Variants in ZNF362 observed in about 807,000 individuals in gnomAD.
ZNF362 encodes rotund homolog.
Under a neutral mutation model 42.9 loss-of-function variants are expected in ZNF362, and 11 were observed. The ratio of observed to expected loss-of-function variants is 0.26; its 90% CI spans 0.16 to 0.42. The LOEUF (loss-of-function observed/expected upper bound fraction) is 0.42, where lower values mean the gene tolerates loss of function less well. ZNF362 is among the 20% of genes least tolerant of loss of function. The probability of loss-of-function intolerance (pLI) is 1.00; values close to 1 mark genes in which losing one functional copy is unlikely to be tolerated. For missense variants in ZNF362, 362 were observed against 576.2 expected, an observed-to-expected ratio of 0.63 and a Z score of 3.81; for synonymous variants, 255 against 257.3, an observed-to-expected ratio of 0.99 and a Z score of 0.09.
chr1:33,147,736 G>A, the ZNF362 span: 20 of 1,604,608 alleles, frequency 1.2e-5, no homozygotes, highest in Middle Eastern at 1.7e-4. The surrounding 1 kb of genome is among the most constrained non-coding windows in gnomAD (Gnocchi z 8.1). Context: ...CACTGTGGGG[G>A]TTGGAGGAGG....
the ZNF362 span, among the ~76,000 whole-genome samples, chr1:33,239,607 C>T: frequency 2.6e-5 from 4 of 152,050 alleles, no homozygotes; most frequent in South Asian, 2.1e-4. Flanking sequence ...TTCACGGGGG[C>T]GCAGGACAGA....
the ZNF362 span, among the ~76,000 whole-genome samples, chr1:33,174,970 C>T: frequency 0.06 from 6,545 of 109,926 alleles, 254 homozygotes; most frequent in African/African-American, 0.17. Context: ...TATATATATA[C>T]ACACATATAC....
the ZNF362 span, chr1:33,145,846 C>A: frequency 2.1e-6 from 1 of 470,990 alleles, no homozygotes; most frequent in Admixed American, 2.3e-5. Flanking sequence ...GCTCCACCCA[C>A]CCTAACTTCC....
the ZNF362 span, among the ~76,000 whole-genome samples, chr1:33,149,311 C>T: frequency 6.6e-6 from 1 of 152,140 alleles, no homozygotes. Context: ...CGCCACCACG[C>T]CTGGCTAATT....
the ZNF362 span, among the ~76,000 whole-genome samples, chr1:33,251,262 A>T: frequency 6.6e-6 from 1 of 152,182 alleles, no homozygotes; most frequent in Non-Finnish European, 1.5e-5. Flanking sequence ...GGGCACTATG[A>T]GGGCTGCAAA....
chr1:33,185,674 T>C, the ZNF362 span, among the ~76,000 whole-genome samples: 2 of 152,186 alleles, frequency 1.3e-5, no homozygotes, highest in African/African-American at 4.8e-5. Context: ...TCTCCACATC[T>C]GATGTGGTTG....
rs1645987635 is a variant in ZNF362, at chr1:33,280,794, C to T, written c.683+337C>T. On this transcript the variant is annotated intron_variant, in intron 5 of 8. Coordinates refer to ENST00000539719, the MANE Select transcript of ZNF362 (RefSeq NM_152493.3). The surrounding 1 kb of genome is among the most constrained non-coding windows in gnomAD (Gnocchi z 5.6). ...CTTAGAATCACCTGAAGAGGCCGTGCACAATGGCTCATCCCTGTAATCCCA... is the reference window on the plus strand; with the variant it reads ...CTTAGAATCACCTGAAGAGGCCGTGTACAATGGCTCATCCCTGTAATCCCA... Among the ~76,000 whole-genome samples the T allele has an allele frequency of 6.6e-6, 1 of 152,158 alleles. No individual in the cohort carries two copies. The highest frequency in any genetic ancestry group is 2.1e-4 in the South Asian group (1 of 4,822).
the ZNF362 span, among the ~76,000 whole-genome samples, chr1:33,222,192 A>T: frequency 2.0e-5 from 3 of 152,194 alleles, no homozygotes; most frequent in African/African-American, 7.2e-5. Flanking sequence ...TGGAAATGGC[A>T]TCAGAATGGA....
intron 1 of ZNF362, among the ~76,000 whole-genome samples, chr1:33,259,948 A>C (rs534352322): frequency 6.6e-6 from 1 of 152,178 alleles, no homozygotes; most frequent in Non-Finnish European, 1.5e-5. Flanking sequence ...AGTTTCCTCA[A>C]CTCTAAAATG....
At chr1:33,189,336 G>A in the ZNF362 span, among the ~76,000 whole-genome samples, 1,484 of 152,090 alleles carry the variant, frequency 9.8e-3, 29 homozygotes, top group African/African-American at 0.034. Flanking sequence ...GCCTGCTTCT[G>A]TAGTTTATTT....
chr1:33,224,617 G>T, the ZNF362 span, among the ~76,000 whole-genome samples: 1 of 152,146 alleles, frequency 6.6e-6, no homozygotes, highest in Non-Finnish European at 1.5e-5. Flanking sequence ...ACCTATAATT[G>T]CAAGAGATCT....
intron 1 of ZNF362, among the ~76,000 whole-genome samples, chr1:33,260,732 G>A (rs1035456280): frequency 1.4e-4 from 21 of 152,264 alleles, no homozygotes; most frequent in African/African-American, 3.9e-4. Context: ...GTGTGGCAGC[G>A]CATTGCCTGG....
rs921376097 is a variant in ZNF362 at position 33,256,933 on chromosome 1, CGT to C, written c.-89+290_-89+291del. Among the ~76,000 whole-genome samples, 75 of 150,950 alleles carry C rather than the reference CGT, an allele frequency of 5.0e-4. No individual in the cohort carries two copies. The Middle Eastern group carries it at 0.021, about 41-fold the overall frequency. On this transcript the variant is annotated intron_variant, in intron 1 of 8. Transcript: ENST00000539719. ...GTGTGCGTGTGTGTGTGTGCGCGCGCGTGTGTGTGTGTTTTCTTAAGCCGGGC... is the reference window on the plus strand; with the variant it reads ...GTGTGCGTGTGTGTGTGTGCGCGCGCGTGTGTGTGTTTTCTTAAGCCGGGC...
the ZNF362 span, among the ~76,000 whole-genome samples, chr1:33,243,026 T>C: frequency 6.6e-6 from 1 of 152,326 alleles, no homozygotes; most frequent in Admixed American, 6.5e-5. Context: ...GTTCTATTTT[T>C]TTCGCAATGA....
At chr1:33,219,311 G>C in the ZNF362 span, among the ~76,000 whole-genome samples, 3 of 152,230 alleles carry the variant, frequency 2.0e-5, no homozygotes, top group Non-Finnish European at 4.4e-5. Flanking sequence ...CCCACAGTGG[G>C]CCTGCCCAGC....
At chr1:33,155,653 C>T in the ZNF362 span, among the ~76,000 whole-genome samples, 5 of 152,306 alleles carry the variant, frequency 3.3e-5, no homozygotes, top group African/African-American at 1.2e-4. Flanking sequence ...TTCCTAACAG[C>T]TCTGTGCCTC....
chr1:33,160,563 C>T, the ZNF362 span, among the ~76,000 whole-genome samples: 1 of 151,978 alleles, frequency 6.6e-6, no homozygotes, highest in Non-Finnish European at 1.5e-5. Context: ...CGCCACTATG[C>T]CCGGATAATT....
chr1:33,155,469 T>G, the ZNF362 span, among the ~76,000 whole-genome samples: 1 of 152,086 alleles, frequency 6.6e-6, no homozygotes, highest in African/African-American at 2.4e-5. Context: ...CTGTGTGACC[T>G]GAGGGAGTCA....
the ZNF362 span, among the ~76,000 whole-genome samples, chr1:33,227,744 C>T: frequency 1.3e-5 from 2 of 152,262 alleles, no homozygotes; most frequent in East Asian, 3.9e-4. Flanking sequence ...AGACCTACTC[C>T]TGGCTCTACC....
Sources: gnomAD v4.1 joint callset for allele counts (sites outside exome capture counted in the v4.1 genomes callset) on GRCh38, gnomAD v4.1.1 for gene constraint, Gnocchi (gnomAD v3.1) non-coding constraint, MANE v1.5 for transcripts, NCBI Gene and HGNC (gene_info 2026-07-23, HGNC 2026-07-21) for gene names.